The following ARHGAP23 variants were observed in gnomAD, a reference collection of about 807,000 sequenced individuals.
ARHGAP23 encodes the protein Rho GTPase activating protein 23.
Under a neutral mutation model 136.3 loss-of-function variants are expected in ARHGAP23, and 34 were observed. That is an observed-to-expected ratio of 0.25 (90% CI 0.19 to 0.33). ARHGAP23 has a LOEUF of 0.33. Among genes scored for constraint, ARHGAP23 ranks in the 10% least tolerant of loss-of-function variants. ARHGAP23 has a pLI of 1.00. For synonymous variants in ARHGAP23, 832 were observed against 920.5 expected (o/e 0.90, Z 1.74); for missense variants, 1,808 against 2,139.0 (o/e 0.85, Z 3.05).
chr17:38,469,682 G>A, intron 9 of ARHGAP23, 47 bp downstream of exon 9: 1 of 1,536,092 alleles, frequency 6.5e-7, no homozygotes, highest in South Asian at 1.2e-5. Context: ...AGCCACCGTG[G>A]CCAGCTGCTC....
intron 20 of ARHGAP23, among the ~76,000 whole-genome samples, chr17:38,495,778 A>C (rs768949072): frequency 4.3e-4 from 66 of 152,248 alleles, no homozygotes; most frequent in African/African-American, 1.5e-3. Flanking sequence ...ATGCATGGCT[A>C]CCCTTAAATA....
upstream of ARHGAP23, among the ~76,000 whole-genome samples, chr17:38,425,588 G>A (rs1462407650): frequency 1.3e-5 from 2 of 152,166 alleles, no homozygotes; most frequent in African/African-American, 4.8e-5. Flanking sequence ...TGATTGGGCT[G>A]GGGAAGGAGT....
upstream of ARHGAP23, chr17:38,428,412 C>A (rs1433797777): frequency 2.2e-5 from 18 of 801,004 alleles, no homozygotes; most frequent in Non-Finnish European, 3.0e-5. Context: ...GGCCCCGCCC[C>A]CGGCCCCGCC....
chr17:38,488,209 G>A (rs1444049040), intron 17 of ARHGAP23, among the ~76,000 whole-genome samples: 2 of 152,158 alleles, frequency 1.3e-5, no homozygotes, highest in East Asian at 3.9e-4. Flanking sequence ...CACCCAGACA[G>A]CATTAAATAT....
At chr17:38,474,650 GCC>G (rs2039846768) in intron 11 of ARHGAP23, among the ~76,000 whole-genome samples, 1 of 152,118 alleles carries the variant, frequency 6.6e-6, no homozygotes, top group Admixed American at 6.5e-5. Flanking sequence ...CTAGAGGGAG[GCC>G]CACCTGGGGA....
chr17:38,497,858 G>A (rs763722342), intron 21 of ARHGAP23, 32 bp downstream of exon 21: 21 of 1,550,354 alleles, frequency 1.4e-5, no homozygotes, highest in Middle Eastern at 1.9e-4. Flanking sequence ...GCTGGCATGG[G>A]GGCTGGTCTG....
intron 11 of ARHGAP23, among the ~76,000 whole-genome samples, chr17:38,472,563 G>A (rs1433160873): frequency 6.6e-6 from 1 of 152,104 alleles, no homozygotes; most frequent in Admixed American, 6.5e-5. Context: ...GAGGCGAAGG[G>A]GGCTTCGGGG....
At chr17:38,485,690 T>C (rs897705794) in intron 16 of ARHGAP23, among the ~76,000 whole-genome samples, 12 of 152,094 alleles carry the variant, frequency 7.9e-5, no homozygotes, top group African/African-American at 2.4e-4. Flanking sequence ...AACCAGCACA[T>C]GCAGAGGACC....
intron 16 of ARHGAP23, among the ~76,000 whole-genome samples, chr17:38,484,169 G>A (rs1369641155): frequency 6.6e-6 from 1 of 152,086 alleles, no homozygotes; most frequent in Non-Finnish European, 1.5e-5. Flanking sequence ...GCTAAGTGTC[G>A]GGAGGACTTG....
intron 1 of ARHGAP23, among the ~76,000 whole-genome samples, chr17:38,440,507 A>G (rs1033595366): frequency 3.9e-5 from 6 of 152,222 alleles, no homozygotes; most frequent in African/African-American, 1.4e-4. Context: ...GACCCAGTTT[A>G]CAGCTGAGGA....
chr17:38,453,267 G>A (rs1254370663), intron 1 of ARHGAP23, among the ~76,000 whole-genome samples: 1 of 151,904 alleles, frequency 6.6e-6, no homozygotes, highest in Non-Finnish European at 1.5e-5. Flanking sequence ...GTGTTTCTGG[G>A]GTATGTCCAC....
At chr17:38,497,417 C>T (rs950801830) in intron 20 of ARHGAP23, among the ~76,000 whole-genome samples, 6 of 152,178 alleles carry the variant, frequency 3.9e-5, no homozygotes, top group Non-Finnish European at 8.8e-5. Flanking sequence ...TGCCTCCCTG[C>T]CCCCCGGCTC....
chr17:38,500,411 T>G (rs932438287), intron 22 of ARHGAP23, 186 bp from the exon 23 acceptor site: 4 of 594,830 alleles, frequency 6.7e-6, no homozygotes, highest in Non-Finnish European at 9.0e-6. Flanking sequence ...AACATCATTT[T>G]CTCCTCCATC....
intron 22 of ARHGAP23, among the ~76,000 whole-genome samples, chr17:38,499,388 G>A (rs998724129): frequency 2.6e-5 from 4 of 152,212 alleles, no homozygotes; most frequent in African/African-American, 7.2e-5. Context: ...TTAAGAAACC[G>A]GGGCCCTAAG....
chr17:38,453,228 G>C (rs1308955858), intron 1 of ARHGAP23, among the ~76,000 whole-genome samples: 2 of 151,918 alleles, frequency 1.3e-5, no homozygotes, highest in Non-Finnish European at 2.9e-5. Flanking sequence ...CGATGTGGAA[G>C]AGTGTCCTGT....
chr17:38,436,405 C>G (rs958813787), intron 1 of ARHGAP23, among the ~76,000 whole-genome samples: 1 of 147,392 alleles, frequency 6.8e-6, no homozygotes, highest in African/African-American at 2.5e-5. Flanking sequence ...CCAAAAAAAA[C>G]GCTGAGGAGA....
chr17:38,435,451 G>T (rs1456667739), intron 1 of ARHGAP23, among the ~76,000 whole-genome samples: 1 of 152,158 alleles, frequency 6.6e-6, no homozygotes, highest in Non-Finnish European at 1.5e-5. Context: ...GTAGAAAGGG[G>T]CACCCCAGGC....
intron 23 of ARHGAP23, among the ~76,000 whole-genome samples, chr17:38,507,102 C>T (rs1189686944): frequency 3.3e-5 from 5 of 151,932 alleles, no homozygotes; most frequent in South Asian, 2.1e-4. Context: ...GGTGAAACCC[C>T]GTCTCTACTA....
chr17:38,464,273 C>T (rs2039530008), intron 6 of ARHGAP23, among the ~76,000 whole-genome samples: 1 of 151,892 alleles, frequency 6.6e-6, no homozygotes. Flanking sequence ...AGGCCCTGCA[C>T]TCCCAAGCAT....
Sources: allele counts gnomAD v4.1 joint callset (sites outside exome capture counted in the v4.1 genomes callset), GRCh38; gene constraint gnomAD v4.1.1; transcripts MANE v1.5; gene names NCBI Gene and HGNC (gene_info 2026-07-23, HGNC 2026-07-21).